MTCL1: variants seen among roughly 807,000 people sequenced by gnomAD.
MTCL1 encodes the protein microtubule crosslinking factor 1, also known as microtubule cross-linking factor 1.
MTCL1 carries 79 observed loss-of-function variants against 141.4 expected under a neutral mutation model. The ratio of observed to expected loss-of-function variants is 0.56; its 90% confidence interval spans 0.47 to 0.67. The LOEUF (loss-of-function observed/expected upper bound fraction) is 0.67. Ranked by LOEUF, MTCL1 falls within the 30% of genes least tolerant of loss-of-function variation. MTCL1 has a pLI of 0.00. For synonymous variants in MTCL1, 914 were observed against 875.8 expected (o/e 1.04, Z -0.77); for missense variants, 2,177 against 2,113.9 (o/e 1.03, Z -0.59).
intron 10 of MTCL1, among the ~76,000 whole-genome samples, chr18:8,801,076 G>A (rs1001167109): frequency 1.3e-5 from 2 of 152,184 alleles, no homozygotes; most frequent in African/African-American, 4.8e-5. Context: ...TCTGCTCCTT[G>A]TCGGGGCTTC....
intron 10 of MTCL1, among the ~76,000 whole-genome samples, chr18:8,803,910 A>G (rs559531934): frequency 6.6e-6 from 1 of 152,330 alleles, no homozygotes; most frequent in Non-Finnish European, 1.5e-5. Flanking sequence ...CATGTGGTGT[A>G]TGGGCCAAGA....
At chr18:8,783,829 G>A in exon 6 of MTCL1, 3 of 1,613,278 alleles carry the variant, frequency 1.9e-6, no homozygotes, top group South Asian at 1.1e-5. Flanking sequence ...AGGCAGAGAT[G>A]GAGGACATGC....
At chr18:8,723,506 GT>G (rs1419665849) in intron 4 of MTCL1, among the ~76,000 whole-genome samples, 1 of 152,166 alleles carries the variant, frequency 6.6e-6, no homozygotes, top group Non-Finnish European at 1.5e-5. Flanking sequence ...GTGTGTGTGT[GT>G]CCCCTCGGCC....
exon 15 of MTCL1, chr18:8,825,852 A>T: frequency 6.2e-7 from 1 of 1,614,148 alleles, no homozygotes; most frequent in Non-Finnish European, 8.5e-7. Flanking sequence ...CAGCCTCTTC[A>T]ACATCATTGA....
chr18:8,705,818 A>T lies in MTCL1; in HGVS notation c.158A>T (p.His53Leu). 8.4e-7 allele frequency: 1 copy of T among 1,184,316 alleles called. No individual in the cohort carries two copies. Among genetic ancestry groups the T allele is most frequent in the Middle Eastern group, 3.2e-4 (1 of 3,130 alleles). The allele number at this position is 1,184,316 out of a possible 1,614,324, so 73.4% of individuals were successfully genotyped here. A position where few individuals can be genotyped will look rare whatever the true frequency, so the allele number is the denominator to read the frequency against. ...GCCAGACCCTTCCTCAAGGACCTGCACGCCCGGCCCGCCGCGCCCGGCCCG... is the reference window on the plus strand; with the variant it reads ...GCCAGACCCTTCCTCAAGGACCTGCTCGCCCGGCCCGCCGCGCCCGGCCCG... The change falls in exon 1 of 14, where the codon CAC becomes CTC. Residue 53 changes from histidine (H) to leucine (L), a missense_variant. Transcript: ENST00000306329. This position sits in a 1 kb window ranked among gnomAD's most constrained non-coding sequence, Gnocchi z 5.2.
chr18:8,751,197 G>T (rs1219630795), intron 4 of MTCL1, among the ~76,000 whole-genome samples: 5 of 152,212 alleles, frequency 3.3e-5, no homozygotes, highest in Non-Finnish European at 7.3e-5. Context: ...GGCTGCTGAT[G>T]ACTTTGCACT....
At chr18:8,829,904 T>C in intron 16 of MTCL1, 1 of 985,170 alleles carries the variant, frequency 1.0e-6, no homozygotes, top group South Asian at 4.7e-5. Context: ...CAGTGATTCT[T>C]CCTTCACAAG....
chr18:8,803,694 A>G (rs1277240482), intron 10 of MTCL1, among the ~76,000 whole-genome samples: 1 of 152,214 alleles, frequency 6.6e-6, no homozygotes, highest in Non-Finnish European at 1.5e-5. Flanking sequence ...CCTTCACCCC[A>G]AAGCAATTCT....
exon 15 of MTCL1, chr18:8,824,761 C>T: frequency 6.2e-7 from 1 of 1,614,158 alleles, no homozygotes; most frequent in Non-Finnish European, 8.5e-7. Flanking sequence ...CCCTTCCTGC[C>T]TGAGAAGGGC....
At chr18:8,831,120 T>G (rs1362456400) in intron 16 of MTCL1, 1 of 987,522 alleles carries the variant, frequency 1.0e-6, no homozygotes, top group African/African-American at 1.7e-5. Context: ...TTAAGACGAC[T>G]GCCATTGCTA....
rs140060551 is a variant in MTCL1, at chr18:8,746,613, T to G, written c.357+26117T>G. 6.6e-5 allele frequency among the ~76,000 whole-genome samples: 10 copies of G among 152,300 alleles called. No individual in the cohort carries two copies. The East Asian group carries it at 1.9e-3, about 29-fold the overall frequency. On this transcript the variant is annotated intron_variant, in intron 4 of 16. Coordinates refer to ENST00000359865, the Ensembl canonical transcript of MTCL1. ...AAGATAGAGGATACCTTGGTTTTCCTTCTTGCACGGAAGCCTTCTCTCGAG... is the reference window on the plus strand; with the variant it reads ...AAGATAGAGGATACCTTGGTTTTCCGTCTTGCACGGAAGCCTTCTCTCGAG...
intron 7 of MTCL1, among the ~76,000 whole-genome samples, chr18:8,791,702 A>C (rs2075732645): frequency 1.3e-5 from 2 of 152,224 alleles, no homozygotes; most frequent in Admixed American, 1.3e-4. Flanking sequence ...CATTGAGGTC[A>C]ATTCAACATG....
chr18:8,809,106 A>G (rs1003784615), intron 11 of MTCL1, among the ~76,000 whole-genome samples: 1 of 152,180 alleles, frequency 6.6e-6, no homozygotes, highest in Non-Finnish European at 1.5e-5. Context: ...GGGAAAGAAT[A>G]ATTTTAAGGA....
chr18:8,709,616 A>G (rs767159889), intron 1 of MTCL1, among the ~76,000 whole-genome samples: 5 of 152,194 alleles, frequency 3.3e-5, no homozygotes, highest in Middle Eastern at 3.2e-3. Context: ...GTATCTGATA[A>G]GAGGCTCGGC....
In MTCL1 at chr18:8,778,899, T is replaced by C. The variant is rs117321771; in HGVS notation, c.417+1007T>C. Among the ~76,000 whole-genome samples the C allele has an allele frequency of 8.5e-3, 1,290 of 152,320 alleles. 10 individuals carry two copies. The highest frequency in any genetic ancestry group is 0.013 in the Non-Finnish European group (915 of 68,018). On this transcript the variant is annotated intron_variant, in intron 5 of 16. Coordinates refer to ENST00000359865, the Ensembl canonical transcript of MTCL1. ...GTGAAATGAACAGCATGGAGTTGCA[T>C]TCGCCCTGAGGGTAAAACAGGCCAG... is the stretch of plus-strand genomic sequence containing the variant.
intron 11 of MTCL1, among the ~76,000 whole-genome samples, chr18:8,812,047 G>A (rs1453199719): frequency 6.6e-6 from 1 of 152,116 alleles, no homozygotes; most frequent in African/African-American, 2.4e-5. Flanking sequence ...CATCCTCTGT[G>A]CCATTGCTGT....
At chr18:8,716,601 C>T (rs1172060059), upstream of MTCL1, among the ~76,000 whole-genome samples, 4 of 120,670 alleles carry the variant, frequency 3.3e-5, no homozygotes, top group African/African-American at 3.2e-5. Flanking sequence ...GTCTGAGGCT[C>T]GGATGTTGGG....
chr18:8,786,222 C>T, intron 7 of MTCL1, 131 bp downstream of exon 6: 1 of 1,088,726 alleles, frequency 9.2e-7, no homozygotes, highest in Non-Finnish European at 1.4e-6. Flanking sequence ...CTAGGTGGAA[C>T]TCACTTGACA....
intron 13 of MTCL1, 150 bp downstream of exon 12, chr18:8,819,409 C>T (rs1208121634): frequency 2.5e-6 from 2 of 788,254 alleles, no homozygotes; most frequent in African/African-American, 1.7e-5. Flanking sequence ...GAAATCTTCA[C>T]AACACCAAGG....
Sources: gnomAD v4.1 joint callset for allele counts (sites outside exome capture counted in the v4.1 genomes callset) on GRCh38, gnomAD v4.1.1 for gene constraint, Gnocchi (gnomAD v3.1) non-coding constraint, MANE v1.5 for transcripts, NCBI Gene and HGNC (gene_info 2026-07-23, HGNC 2026-07-21) for gene names.